CTNNA3: variants seen among roughly 807,000 people sequenced by gnomAD.
CTNNA3 encodes catenin alpha 3, also known as catenin alpha-3.
Under a neutral mutation model 95.7 loss-of-function variants are expected in CTNNA3, and 76 were observed. The ratio of observed to expected loss-of-function variants is 0.79; its 90% CI spans 0.66 to 0.96. The LOEUF is 0.96. Ranked by LOEUF, CTNNA3 falls within the 40% of genes least tolerant of loss-of-function variation. The pLI is 0.00. For missense variants in CTNNA3, 1,191 were observed against 1,089.8 expected, an observed-to-expected ratio of 1.09 and a Z score of -1.31; for synonymous variants, 431 against 374.4, an observed-to-expected ratio of 1.15 and a Z score of -1.74.
chr10:66,096,191 T>C (rs1294624575), intron 14 of CTNNA3, among the ~76,000 whole-genome samples: 1 of 152,178 alleles, frequency 6.6e-6, no homozygotes, highest in East Asian at 1.9e-4. Flanking sequence ...TCTAATTCAG[T>C]GCTAACAAAT....
intron 14 of CTNNA3, among the ~76,000 whole-genome samples, chr10:66,094,359 G>C (rs537948017): frequency 6.6e-6 from 1 of 152,166 alleles, no homozygotes; most frequent in East Asian, 1.9e-4. Flanking sequence ...CATGCTAAGG[G>C]CAAGGGGTGA....
chr10:67,540,271 A>C (rs546142090), intron 3 of CTNNA3, among the ~76,000 whole-genome samples: 1 of 152,116 alleles, frequency 6.6e-6, no homozygotes, highest in East Asian at 1.9e-4. Context: ...TCATTGTTTT[A>C]AGTTCCCAGT....
intron 5 of CTNNA3, among the ~76,000 whole-genome samples, chr10:67,457,171 T>C (rs915022186): frequency 3.9e-5 from 6 of 152,208 alleles, no homozygotes; most frequent in African/African-American, 1.4e-4. Flanking sequence ...AGAAAAACTG[T>C]GGACATTTCC....
At chr10:67,760,778 T>C (rs1262480399) in intron 1 of CTNNA3, among the ~76,000 whole-genome samples, 1 of 152,130 alleles carries the variant, frequency 6.6e-6, no homozygotes. Flanking sequence ...TACTGTGATG[T>C]AGGTTGTGTG....
chr10:67,126,300 G>C (rs1859716651), intron 7 of CTNNA3, among the ~76,000 whole-genome samples: 1 of 152,192 alleles, frequency 6.6e-6, no homozygotes, highest in Admixed American at 6.5e-5. Context: ...AGGCCAAGGT[G>C]GGTGGATCAT....
At chr10:66,831,570 G>A (rs1842721602) in intron 7 of CTNNA3, among the ~76,000 whole-genome samples, 1 of 152,128 alleles carries the variant, frequency 6.6e-6, no homozygotes, top group African/African-American at 2.4e-5. Flanking sequence ...ATTGTTTACT[G>A]GTTTGATTCC....
At chr10:65,958,501 G>A (rs182402012) in intron 17 of CTNNA3, among the ~76,000 whole-genome samples, 380 of 152,254 alleles carry the variant, frequency 2.5e-3, no homozygotes, top group African/African-American at 8.5e-3. Context: ...TTTCTGCTGT[G>A]GTTTCTCCCC....
At chr10:66,138,157 T>A (rs2083446058) in intron 13 of CTNNA3, among the ~76,000 whole-genome samples, 1 of 152,192 alleles carries the variant, frequency 6.6e-6, no homozygotes, top group Admixed American at 6.5e-5. Context: ...TGTATATATG[T>A]ATGCATTAAA....
chr10:67,749,291 T>C (rs1332000346), intron 1 of CTNNA3, among the ~76,000 whole-genome samples: 2 of 152,186 alleles, frequency 1.3e-5, no homozygotes, highest in African/African-American at 4.8e-5. Context: ...AAACTTGAAC[T>C]CAGCTCTGGA....
At chr10:67,577,871 A>G (rs1162329883) in intron 3 of CTNNA3, among the ~76,000 whole-genome samples, 1 of 150,960 alleles carries the variant, frequency 6.6e-6, no homozygotes, top group African/African-American at 2.5e-5. Context: ...GATATTCAGT[A>G]GTGGATGGCT....
At chr10:66,106,649 C>T (rs112955385) in intron 13 of CTNNA3, among the ~76,000 whole-genome samples, 2 of 152,022 alleles carry the variant, frequency 1.3e-5, no homozygotes, top group Non-Finnish European at 2.9e-5. Flanking sequence ...TGGATTGTGG[C>T]AAAAGTTTAT....
intron 11 of CTNNA3, among the ~76,000 whole-genome samples, chr10:66,430,290 G>A (rs12266540): frequency 0.12 from 17,726 of 151,978 alleles, 1,501 homozygotes; most frequent in African/African-American, 0.24. Flanking sequence ...CATGCTCATG[G>A]ACAGGAAGAA....
intron 8 of CTNNA3, 75 bp from the exon 9 acceptor site, chr10:66,766,491 A>C: frequency 1.8e-5 from 23 of 1,311,486 alleles, no homozygotes; most frequent in Non-Finnish European, 2.3e-5. Flanking sequence ...TTACAATCTC[A>C]GTAGTTACAC....
chr10:66,426,505 C>T (rs1455559135), intron 11 of CTNNA3, among the ~76,000 whole-genome samples: 1 of 151,898 alleles, frequency 6.6e-6, no homozygotes, highest in East Asian at 1.9e-4. Context: ...CTCTATTTTG[C>T]TTTCACTCTT....
chr10:66,301,772 G>C (rs1385326102), intron 12 of CTNNA3, among the ~76,000 whole-genome samples: 2 of 151,746 alleles, frequency 1.3e-5, no homozygotes, highest in African/African-American at 4.8e-5. Flanking sequence ...ATACTTAATG[G>C]AGACAAACTA....
intron 7 of CTNNA3, among the ~76,000 whole-genome samples, chr10:66,921,062 C>G (rs182482449): frequency 6.6e-6 from 1 of 152,138 alleles, no homozygotes; most frequent in Non-Finnish European, 1.5e-5. Flanking sequence ...AAACAGTAAG[C>G]ATTTATTTCT....
At chr10:66,960,835 T>G (rs1316262939) in intron 7 of CTNNA3, among the ~76,000 whole-genome samples, 4 of 152,146 alleles carry the variant, frequency 2.6e-5, no homozygotes, top group Non-Finnish European at 4.4e-5. Flanking sequence ...GGGTTAGGAA[T>G]AGTGACAGTG....
intron 4 of CTNNA3, among the ~76,000 whole-genome samples, chr10:67,532,800 C>T (rs1414940927): frequency 6.6e-6 from 1 of 152,112 alleles, no homozygotes; most frequent in Admixed American, 6.6e-5. Flanking sequence ...TTCACAAAAC[C>T]CTTTCAAGGT....
chr10:66,645,745 T>G (rs60962883), intron 9 of CTNNA3, among the ~76,000 whole-genome samples: 4,700 of 152,166 alleles, frequency 0.031, 238 homozygotes, highest in African/African-American at 0.11. Context: ...GAAATCTAGG[T>G]TGCACGTCCT....
Sources: allele counts gnomAD v4.1 joint callset (sites outside exome capture counted in the v4.1 genomes callset), GRCh38; gene constraint gnomAD v4.1.1; transcripts MANE v1.5; gene names NCBI Gene and HGNC (gene_info 2026-07-23, HGNC 2026-07-21).